CNTN5: variants seen among roughly 807,000 people sequenced by gnomAD.
CNTN5 encodes contactin 5.
A neutral mutation model predicts 129.1 loss-of-function variants in CNTN5; 77 were observed. That is an observed-to-expected ratio of 0.60 (90% CI 0.50 to 0.72). The LOEUF is 0.72. CNTN5 is among the 30% of genes least tolerant of loss of function. The probability of loss-of-function intolerance (pLI) is 0.00; values close to 1 mark genes in which losing one functional copy is unlikely to be tolerated. For missense variants in CNTN5, 1,478 were observed against 1,328.8 expected (o/e 1.11, Z -1.75); for synonymous variants, 509 against 465.6 (o/e 1.09, Z -1.20).
In CNTN5 at chr11:99,781,159, G is replaced by A. The variant is rs79947726; in HGVS notation, c.56-38385G>A. Among the ~76,000 whole-genome samples, 503 of 152,146 alleles carry A rather than the reference G, an allele frequency of 3.3e-3. 5 individuals are homozygous for A. The highest frequency in any genetic ancestry group is 0.011 in the African/African-American group (442 of 41,528). ...GAATCAAATAGCACACACACATTCA[G>A]AAAATGTGAAATATTCAAGAGTAAA... On this transcript the variant is annotated intron_variant, in intron 3 of 24. Transcript: ENST00000524871.
At chr11:99,836,676 T>C (rs182708633) in intron 4 of CNTN5, among the ~76,000 whole-genome samples, 5,256 of 152,220 alleles carry the variant, frequency 0.035, 135 homozygotes, top group South Asian at 0.092. Context: ...GATGGCTGGG[T>C]CAAATGGTAT....
At chr11:99,209,484 G>GAACT (rs35648715) in intron 1 of CNTN5, among the ~76,000 whole-genome samples, 143,547 of 151,796 alleles carry the variant, frequency 0.95, 67,934 homozygotes, top group East Asian at 1. Flanking sequence ...GATCTTGCAT[G>GAACT]AACAGAGAAA....
Position 100,071,821 on chromosome 11 carries a change from G to A in CNTN5, c.1416G>A (p.Glu472=), listed in dbSNP as rs1170578239. Residue 472 remains glutamate, a synonymous_variant, in exon 12 of 25, where the codon GAG becomes GAA. Transcript: ENST00000524871. ...NKYGAIYASA[E]LKILASAPTF... The stretch of plus-strand genomic sequence containing the variant: ...ATGGAGCCATTTACGCTAGTGCTGA[G>A]CTGAAGATTCTAGGTATGCAGTTTC... The A allele has an allele frequency of 6.3e-7, 1 of 1,594,608 alleles. No individual in the cohort carries two copies. The highest frequency in any genetic ancestry group is 1.2e-5 in the South Asian group (1 of 86,612).
chr11:99,143,424 A>G (rs1206646407), intron 1 of CNTN5, among the ~76,000 whole-genome samples: 1 of 150,112 alleles, frequency 6.7e-6, no homozygotes, highest in Non-Finnish European at 1.5e-5. Flanking sequence ...ATAAACATAA[A>G]TCATTGAAAT....
At chr11:99,249,272 G>T (rs1327761106) in intron 1 of CNTN5, among the ~76,000 whole-genome samples, 3 of 152,026 alleles carry the variant, frequency 2.0e-5, no homozygotes, top group Admixed American at 2.0e-4. Flanking sequence ...CTGTTTGTCT[G>T]TTATTGGTGT....
At chr11:99,869,059 A>G (rs1309137476) in intron 6 of CNTN5, among the ~76,000 whole-genome samples, 3 of 152,160 alleles carry the variant, frequency 2.0e-5, no homozygotes, top group Non-Finnish European at 4.4e-5. Flanking sequence ...CACTTATTAT[A>G]TTTATCAACG....
intron 9 of CNTN5, among the ~76,000 whole-genome samples, chr11:100,026,300 G>A (rs1404909518): frequency 6.6e-6 from 1 of 152,018 alleles, no homozygotes; most frequent in East Asian, 1.9e-4. Flanking sequence ...AAGATAGTAA[G>A]TTTCCTGAAA....
chr11:99,272,955 C>A (rs900516529), intron 1 of CNTN5, among the ~76,000 whole-genome samples: 2 of 151,780 alleles, frequency 1.3e-5, no homozygotes, highest in Non-Finnish European at 2.9e-5. Flanking sequence ...AAGAACTTTA[C>A]ATTGAGAGAG....
At chr11:99,674,669 A>G (rs1953194594) in intron 3 of CNTN5, among the ~76,000 whole-genome samples, 1 of 152,284 alleles carries the variant, frequency 6.6e-6, no homozygotes, top group African/African-American at 2.4e-5. Context: ...TCATGCTTAC[A>G]TGTCTGAGAC....
At chr11:100,169,509 C>A (rs553046063) in intron 13 of CNTN5, among the ~76,000 whole-genome samples, 1 of 151,878 alleles carries the variant, frequency 6.6e-6, no homozygotes, top group South Asian at 2.1e-4. Context: ...CCTTCACCAG[C>A]GAAAAGATTA....
chr11:99,196,797 T>C (rs894134567), intron 1 of CNTN5, among the ~76,000 whole-genome samples: 9 of 151,988 alleles, frequency 5.9e-5, no homozygotes, highest in African/African-American at 2.2e-4. Flanking sequence ...ATTTTAAAAC[T>C]TGTTTAACTT....
chr11:100,316,936 A>G (rs1291797727), intron 21 of CNTN5, among the ~76,000 whole-genome samples: 1 of 152,182 alleles, frequency 6.6e-6, no homozygotes, highest in Non-Finnish European at 1.5e-5. Context: ...AGCTTGTCCC[A>G]TTTTACAATA....
intron 2 of CNTN5, among the ~76,000 whole-genome samples, chr11:99,331,154 G>T (rs1865984222): frequency 6.6e-6 from 1 of 152,072 alleles, no homozygotes; most frequent in African/African-American, 2.4e-5. Flanking sequence ...AAGACAGTGT[G>T]TTTTGGGGAC....
At chr11:99,985,193 G>A (rs1175943693) in intron 8 of CNTN5, among the ~76,000 whole-genome samples, 1 of 152,110 alleles carries the variant, frequency 6.6e-6, no homozygotes, top group African/African-American at 2.4e-5. Context: ...TTGGGTCCCT[G>A]TACTCGGTGG....
chr11:99,802,287 A>G (rs983150740), intron 3 of CNTN5, among the ~76,000 whole-genome samples: 5 of 152,234 alleles, frequency 3.3e-5, no homozygotes, highest in Admixed American at 2.6e-4. Flanking sequence ...TTATTAGGAG[A>G]TTGTCTCTGC....
At chr11:100,326,956 G>A (rs1951801405) in intron 21 of CNTN5, among the ~76,000 whole-genome samples, 1 of 152,200 alleles carries the variant, frequency 6.6e-6, no homozygotes, top group Non-Finnish European at 1.5e-5. Flanking sequence ...CTAGAAGGCA[G>A]TGGACAAAGT....
intron 2 of CNTN5, among the ~76,000 whole-genome samples, chr11:99,382,844 ACT>A (rs1940661966): frequency 4.3e-5 from 3 of 69,420 alleles, no homozygotes; most frequent in African/African-American, 2.1e-4. Flanking sequence ...TCTCTAAATA[ACT>A]TTTTTTTTTT....
chr11:99,045,292 A>G (rs1286958257), intron 1 of CNTN5, among the ~76,000 whole-genome samples: 3 of 152,220 alleles, frequency 2.0e-5, no homozygotes, highest in Non-Finnish European at 4.4e-5. Context: ...AATTATACAT[A>G]TATCAAACAG....
chr11:99,766,432 T>C (rs557326190), intron 3 of CNTN5, among the ~76,000 whole-genome samples: 76 of 152,166 alleles, frequency 5.0e-4, no homozygotes, highest in Non-Finnish European at 5.2e-4. Flanking sequence ...TTCCACTAGA[T>C]GGTAACAACA....
Sources: allele counts gnomAD v4.1 joint callset (sites outside exome capture counted in the v4.1 genomes callset), GRCh38; gene constraint gnomAD v4.1.1; transcripts MANE v1.5; gene names NCBI Gene and HGNC (gene_info 2026-07-23, HGNC 2026-07-21).